PIK3R5: variants seen among roughly 807,000 people sequenced by gnomAD.
PIK3R5 encodes phosphoinositide 3-kinase regulatory subunit 5.
A neutral mutation model predicts 94.9 loss-of-function variants in PIK3R5; 32 were observed. That is an observed-to-expected ratio of 0.34 (90% CI 0.25 to 0.45). The LOEUF is 0.45. PIK3R5 is among the 20% of genes least tolerant of loss of function. PIK3R5 has a pLI of 1.00. For synonymous variants in PIK3R5, 443 were observed against 479.4 expected, an observed-to-expected ratio of 0.92 and a Z score of 0.99; for missense variants, 853 against 1,144.6, an observed-to-expected ratio of 0.75 and a Z score of 3.68.
In PIK3R5 at chr17:8,896,092, T is replaced by G. The variant is rs2090147527; in HGVS notation, c.413-2437A>C. 6.6e-6 allele frequency among the ~76,000 whole-genome samples: 1 copy of G among 152,162 alleles called. No homozygotes were observed. Among genetic ancestry groups the G allele is most frequent in the Non-Finnish European group, 1.5e-5 (1 of 68,030 alleles). ...TGGAGGAGGCTTTGATAATATAAGC[T>G]TTTGTACAGACTGACTCCTTTGAGC... On this transcript the variant is annotated intron_variant, in intron 5 of 18. Coordinates refer to ENST00000447110, the MANE Select transcript of PIK3R5 (RefSeq NM_001142633.3). This position sits in a 1 kb window ranked among gnomAD's most constrained non-coding sequence, Gnocchi z 4.0.
intron 1 of PIK3R5, among the ~76,000 whole-genome samples, chr17:8,954,037 C>G (rs1159932058): frequency 6.6e-6 from 1 of 150,740 alleles, no homozygotes; most frequent in African/African-American, 2.4e-5. Flanking sequence ...CCCCTTCCCC[C>G]AGAAAGTGCT....
rs1426718770 is a variant in PIK3R5, at chr17:8,880,388, T to A, written c.*251A>T. 1 of 408,656 alleles carries A rather than the reference T, an allele frequency of 2.4e-6. No homozygotes were observed. Among genetic ancestry groups the A allele is most frequent in the Non-Finnish European group, 4.3e-6 (1 of 229,974 alleles). The allele number at this position is 408,656 out of a possible 1,614,324, so 25.3% of individuals were successfully genotyped here. ...GGGACTTCAGAGGTCAATTTACCCA[T>A]CCTTCTCCTTCTACTGCCAGGAATC... is the stretch of plus-strand genomic sequence containing the variant. On this transcript the variant is annotated 3_prime_UTR_variant, in exon 19 of 19. Coordinates refer to ENST00000447110, the MANE Select transcript of PIK3R5 (RefSeq NM_001142633.3).
Position 8,880,353 on chromosome 17 carries a change from C to T in PIK3R5, c.*286G>A. On this transcript the variant is annotated 3_prime_UTR_variant, in exon 19 of 19. Transcript: ENST00000447110. ...CTTCTAGAAAGGATCCTAGACCATG[C>T]TAATGGTCAGGGACTTCAGAGGTCA... is the stretch of plus-strand genomic sequence containing the variant. The T allele has an allele frequency of 3.0e-6, 1 of 328,696 alleles. No individual in the cohort carries two copies. The highest frequency in any genetic ancestry group is 5.5e-6 in the Non-Finnish European group (1 of 180,636). The allele number at this position is 328,696 out of a possible 1,614,324, so 20.4% of individuals were successfully genotyped here.
rs191665008 is a variant in PIK3R5 at position 8,941,924 on chromosome 17, C to T, written c.-14+23672G>A. ...CCCCCTATTTACTCAGAAGACCCTT[C>T]GGGAGGATTTACATGTATGGACTTT... is the stretch of plus-strand genomic sequence containing the variant. On this transcript the variant is annotated intron_variant, in intron 1 of 18. Coordinates refer to ENST00000447110, the MANE Select transcript of PIK3R5 (RefSeq NM_001142633.3). Among the ~76,000 whole-genome samples, 42 of 152,354 alleles carry T rather than the reference C, an allele frequency of 2.8e-4. No homozygotes were observed. In the East Asian group the frequency reaches 5.2e-3, roughly 19 times the overall value.
At chr17:8,910,348 G>A (rs1452809656) in intron 2 of PIK3R5, among the ~76,000 whole-genome samples, 1 of 152,112 alleles carries the variant, frequency 6.6e-6, no homozygotes, top group Non-Finnish European at 1.5e-5. Flanking sequence ...TTTGCTTAAC[G>A]ATAGCCCTCT....
chr17:8,884,822 T>C lies in PIK3R5; in HGVS notation c.2129-39A>G. 6.3e-7 allele frequency: 1 copy of C among 1,589,418 alleles called. No individual in the cohort carries two copies. Among genetic ancestry groups the C allele is most frequent in the Non-Finnish European group, 8.6e-7 (1 of 1,161,022 alleles). ...AGACAGACCCTTCACTACCCCTGGC[T>C]TCCCCGGCTCCTCACGAACGCAGTG... On this transcript the variant is annotated intron_variant, in intron 14 of 18. Transcript: ENST00000447110. The surrounding 1 kb of genome is among the most constrained non-coding windows in gnomAD (Gnocchi z 5.8).
Position 8,882,165 on chromosome 17 carries a change from G to A in PIK3R5, c.2206-284C>T, listed in dbSNP as rs1301056876. On this transcript the variant is annotated intron_variant, in intron 15 of 18. Coordinates refer to ENST00000447110, the MANE Select transcript of PIK3R5 (RefSeq NM_001142633.3). This position sits in a 1 kb window ranked among gnomAD's most constrained non-coding sequence, Gnocchi z 4.1. ...GGGGTGGTCCTGAAGCTCTCCTGCCGGGCCCAGAGTGAAGAAGGGTTGGGC... is the reference window on the plus strand; with the variant it reads ...GGGGTGGTCCTGAAGCTCTCCTGCCAGGCCCAGAGTGAAGAAGGGTTGGGC... 13 of 430,816 alleles carry A rather than the reference G, an allele frequency of 3.0e-5. No individual in the cohort carries two copies. Among genetic ancestry groups the A allele is most frequent in the East Asian group, 8.1e-5 (2 of 24,566 alleles). The allele number at this position is 430,816 out of a possible 1,614,324, so 26.7% of individuals were successfully genotyped here.
chr17:8,934,084 T>C (rs1341533851), intron 1 of PIK3R5, among the ~76,000 whole-genome samples: 1 of 152,202 alleles, frequency 6.6e-6, no homozygotes, highest in African/African-American at 2.4e-5. Flanking sequence ...CTGGAGGTCA[T>C]AGCCATTGCC....
rs1397582913 is a variant in PIK3R5 at position 8,893,250 on chromosome 17, G to A, written c.482+336C>T. ...TGGCTCGTACCCTTGCTCGCTGTGT[G>A]ACCTTGGGGAAGTTGCTTGACCTCT... On this transcript the variant is annotated intron_variant, in intron 6 of 18. Coordinates refer to ENST00000447110, the MANE Select transcript of PIK3R5 (RefSeq NM_001142633.3). This position sits in a 1 kb window ranked among gnomAD's most constrained non-coding sequence, Gnocchi z 5.1. Among the ~76,000 whole-genome samples the A allele has an allele frequency of 1.3e-5, 2 of 152,146 alleles. No homozygotes were observed. The highest frequency in any genetic ancestry group is 2.4e-5 in the African/African-American group (1 of 41,416).
chr17:8,885,870 C>T (rs2089830055), intron 14 of PIK3R5, among the ~76,000 whole-genome samples: 1 of 135,128 alleles, frequency 7.4e-6, no homozygotes, highest in Admixed American at 7.2e-5. Flanking sequence ...CTCCGCCTCC[C>T]CATGGCCCTG....
chr17:8,889,353 G>T lies in PIK3R5; in HGVS notation c.812-131C>A. On this transcript the variant is annotated intron_variant, in intron 8 of 18. Transcript: ENST00000447110. This position sits in a 1 kb window ranked among gnomAD's most constrained non-coding sequence, Gnocchi z 4.1. The stretch of plus-strand genomic sequence containing the variant: ...GGCACAAGGATATGTAGCTGGATAG[G>T]CTGAGGCTGAGTTACAGCCAGGGTG... The T allele has an allele frequency of 1.5e-6, 1 of 663,720 alleles. No individual in the cohort carries two copies. 41.1% of individuals were successfully genotyped at this position (663,720 alleles called of 1,614,324 possible).
chr17:8,954,486 TA>T (rs1007337673), intron 1 of PIK3R5, among the ~76,000 whole-genome samples: 2 of 152,162 alleles, frequency 1.3e-5, no homozygotes, highest in African/African-American at 4.8e-5. Context: ...CTCTGCCTTG[TA>T]AACACCGTGT....
Position 8,911,240 on chromosome 17 carries a change from G to A in PIK3R5, c.103+152C>T. 1.6e-6 allele frequency: 1 copy of A among 621,288 alleles called. No individual in the cohort carries two copies. Among genetic ancestry groups the A allele is most frequent in the Non-Finnish European group, 2.9e-6 (1 of 350,240 alleles). The allele number at this position is 621,288 out of a possible 1,614,324, so 38.5% of individuals were successfully genotyped here. On this transcript the variant is annotated intron_variant, in intron 2 of 18. Transcript: ENST00000447110. The surrounding 1 kb of genome is among the most constrained non-coding windows in gnomAD (Gnocchi z 5.3). ...CTGACTACATCAAGTGCTGCGCCAG[G>A]CACCTGCCCAGGAGAAGGCTGAGGC...
chr17:8,952,207 A>T (rs946722901), intron 1 of PIK3R5, among the ~76,000 whole-genome samples: 1 of 152,242 alleles, frequency 6.6e-6, no homozygotes, highest in Non-Finnish European at 1.5e-5. Flanking sequence ...ATAAACCTCT[A>T]TCTTGTTTAA....
chr17:8,892,104 G>C lies in PIK3R5; in HGVS notation c.483-1192C>G, dbSNP rs2090040987. ...CTTTAGTATGAGCTGCATGTGATGAGAGCTCTTGCTCTCTCAATTCCACAC... is the reference window on the plus strand; with the variant it reads ...CTTTAGTATGAGCTGCATGTGATGACAGCTCTTGCTCTCTCAATTCCACAC... On this transcript the variant is annotated intron_variant, in intron 6 of 18. Transcript: ENST00000447110. The surrounding 1 kb of genome is among the most constrained non-coding windows in gnomAD (Gnocchi z 4.3). Among the ~76,000 whole-genome samples, 1 of 152,138 alleles carries C rather than the reference G, an allele frequency of 6.6e-6. No individual in the cohort carries two copies. The highest frequency in any genetic ancestry group is 1.5e-5 in the Non-Finnish European group (1 of 68,022).
rs1432780730 is a variant in PIK3R5 at position 8,943,380 on chromosome 17, C to T, written c.-14+22216G>A. ...AAAGTGCTGAGATTATAGGTGTGAG[C>T]CACCATGCCTGGCCTTGATTGAATC... On this transcript the variant is annotated intron_variant, in intron 1 of 18. Coordinates refer to ENST00000447110, the MANE Select transcript of PIK3R5 (RefSeq NM_001142633.3). 2.6e-5 allele frequency among the ~76,000 whole-genome samples: 4 copies of T among 152,106 alleles called. No homozygotes were observed. In the East Asian group the frequency reaches 7.7e-4, roughly 29 times the overall value.
intron 1 of PIK3R5, among the ~76,000 whole-genome samples, chr17:8,923,305 T>C (rs2090791679): frequency 6.6e-6 from 1 of 152,162 alleles, no homozygotes; most frequent in African/African-American, 2.4e-5. Flanking sequence ...GGATGTACAA[T>C]GTCACCTTTT....
rs1567658395 is a variant in PIK3R5, at chr17:8,925,312, GGATA to G, written c.-13-13809_-13-13806del. Among the ~76,000 whole-genome samples, 1 of 150,248 alleles carries G rather than the reference GGATA, an allele frequency of 6.7e-6. No homozygotes were observed. Among genetic ancestry groups the G allele is most frequent in the South Asian group, 2.1e-4 (1 of 4,732 alleles). On this transcript the variant is annotated intron_variant, in intron 1 of 18. Transcript: ENST00000447110. The surrounding 1 kb of genome is among the most constrained non-coding windows in gnomAD (Gnocchi z 5.1). Reference sequence around the variant, plus strand: ...ATGGATAGATAGATAGATAGTAGATGGATAGATAGTAGATGGATAGACAGTAGAT... The same window carrying G: ...ATGGATAGATAGATAGATAGTAGATGGATAGTAGATGGATAGACAGTAGAT...
At chr17:8,891,957 C>T (rs1025203535) in intron 6 of PIK3R5, among the ~76,000 whole-genome samples, 2 of 152,060 alleles carry the variant, frequency 1.3e-5, no homozygotes, top group South Asian at 2.1e-4. Flanking sequence ...GGCTCTGAGG[C>T]GCTGATCACT....
Sources: gnomAD v4.1 joint callset for allele counts (sites outside exome capture counted in the v4.1 genomes callset) on GRCh38, gnomAD v4.1.1 for gene constraint, Gnocchi (gnomAD v3.1) non-coding constraint, MANE v1.5 for transcripts, NCBI Gene and HGNC (gene_info 2026-07-23, HGNC 2026-07-21) for gene names.